Variants in LRRC71 observed in about 807,000 individuals in gnomAD.
The protein encoded by LRRC71 is leucine-rich repeat-containing protein 71.
A neutral mutation model predicts 66.6 loss-of-function variants in LRRC71; 54 were observed. The observed-to-expected ratio is 0.81, with a 90% CI of 0.65 to 1.02. LRRC71 has a LOEUF of 1.02. Among genes scored for constraint, LRRC71 ranks in the 50% least tolerant of loss-of-function variants. The pLI, the probability that LRRC71 is intolerant of heterozygous loss-of-function variation, is 0.00. For missense variants in LRRC71, 724 were observed against 718.0 expected, an observed-to-expected ratio of 1.01 and a Z score of -0.10; for synonymous variants, 323 against 303.9, an observed-to-expected ratio of 1.06 and a Z score of -0.65.
the LRRC71 span, chr1:156,939,532 C>G: frequency 6.2e-7 from 1 of 1,607,724 alleles, no homozygotes; most frequent in Non-Finnish European, 8.5e-7. Context: ...CCACTGGACA[C>G]TCCCATTTAT....
chr1:156,936,497 A>AAAAAAAAAAAAAT (rs370282821), downstream of LRRC71, among the ~76,000 whole-genome samples: 1 of 33,938 alleles, frequency 2.9e-5, no homozygotes, highest in African/African-American at 1.5e-4. Flanking sequence ...AAAAAAAAAA[A>AAAAAAAAAAAAAT]ATATATATAT....
At position 156,924,001 on chromosome 1, in the gene LRRC71, G is replaced by C; in HGVS notation, c.213G>C (p.Thr71=). 1 of 1,546,716 alleles carries C rather than the reference G, an allele frequency of 6.5e-7. No homozygotes were observed. Residue 71 remains threonine, a synonymous_variant, in exon 2 of 15, where the codon ACG becomes ACC. Coordinates refer to ENST00000337428, the MANE Select transcript of LRRC71 (RefSeq NM_144702.3). Reference sequence around the variant, plus strand: ...AGACCGACTTCGCCGAGCTCTGCACGCGGTGGGGCTACACGGACTTCCCCA... The same window carrying C: ...AGACCGACTTCGCCGAGCTCTGCACCCGGTGGGGCTACACGGACTTCCCCA... ...VLETDFAELC[T]RWGYTDFPKV...
chr1:156,930,076 C>CT (rs139472171), intron 11 of LRRC71, among the ~76,000 whole-genome samples: 233 of 42,362 alleles, frequency 5.5e-3, no homozygotes, highest in Middle Eastern at 0.017. Context: ...TTCTTTCTTT[C>CT]TTTTCTTTCT....
Position 156,931,951 on chromosome 1 carries a change from C to T in LRRC71, c.1365C>T (p.Leu455=), listed in dbSNP as rs1654427594. The T allele has an allele frequency of 6.3e-6, 10 of 1,597,956 alleles. No individual in the cohort carries two copies. The highest frequency in any genetic ancestry group is 8.5e-6 in the Non-Finnish European group (10 of 1,172,022). ...AGGCTACTGAGGTGGTCAACCCTCT[C>T]CTGGAGCCTGTGGAGCACCGAGATG... The part of the protein sequence containing the change: ...VVEATEVVNP[L]LEPVEHRDGK... The change falls in exon 13 of 15, where the codon CTC becomes CTT. Residue 455 remains leucine, a synonymous_variant. Transcript: ENST00000337428.
the LRRC71 span, chr1:156,938,403 GGA>G: frequency 6.2e-7 from 1 of 1,611,058 alleles, no homozygotes; most frequent in South Asian, 1.1e-5. Context: ...TTAGCTCCAA[GGA>G]GAAAGTTATT....
chr1:156,923,986 C>G lies in LRRC71; in HGVS notation c.198C>G (p.Phe66Leu). ...GCTCCGGGGTCCTCGAGACCGACTTCGCCGAGCTCTGCACGCGGTGGGGCT... is the reference window on the plus strand; with the variant it reads ...GCTCCGGGGTCCTCGAGACCGACTTGGCCGAGCTCTGCACGCGGTGGGGCT... ...YQCSGVLETD[F>L]AELCTRWGYT... is the part of the protein sequence containing the mutation. The change falls in exon 2 of 15, where the codon TTC (phenylalanine) becomes TTG (leucine). Residue 66 changes from phenylalanine (F) to leucine (L), a missense_variant. Phe to Leu is a conservative substitution (Grantham distance 22). Coordinates refer to ENST00000337428, the MANE Select transcript of LRRC71 (RefSeq NM_144702.3). The G allele has an allele frequency of 6.5e-7, 1 of 1,542,210 alleles. No homozygotes were observed. The highest frequency in any genetic ancestry group is 1.2e-5 in the South Asian group (1 of 82,660).
chr1:156,936,921 T>G, downstream of LRRC71: 5 of 1,614,042 alleles, frequency 3.1e-6, no homozygotes, highest in Non-Finnish European at 4.2e-6. Context: ...GCTGCTTCTG[T>G]GTGGAAACTG....
In LRRC71 at chr1:156,920,802, G is replaced by C; in HGVS notation, c.-2G>C. The C allele has an allele frequency of 6.6e-7, 1 of 1,519,616 alleles. No individual in the cohort carries two copies. The highest frequency in any genetic ancestry group is 2.5e-5 in the East Asian group (1 of 39,768). 94.1% of individuals were successfully genotyped at this position (1,519,616 alleles called of 1,614,324 possible). A position where few individuals can be genotyped will look rare whatever the true frequency, so the allele number is the denominator to read the frequency against. ...CCCAGAGACGCTGCGGACAACACCA[G>C]CATGTCGAGCGAGCAGAGCGCGCCG... On this transcript the variant is annotated 5_prime_UTR_variant, in exon 1 of 15. Transcript: ENST00000337428. This position sits in a 1 kb window ranked among gnomAD's most constrained non-coding sequence, Gnocchi z 4.9.
chr1:156,929,003 C>T (rs756293883), intron 9 of LRRC71, among the ~76,000 whole-genome samples: 1 of 152,152 alleles, frequency 6.6e-6, no homozygotes, highest in African/African-American at 2.4e-5. Flanking sequence ...TGGCACTTAG[C>T]TCAATAAAAG....
Position 156,929,266 on chromosome 1 carries a change from A to T in LRRC71, c.997-14A>T. 6.3e-7 allele frequency: 1 copy of T among 1,591,034 alleles called. No individual in the cohort carries two copies. Among genetic ancestry groups the T allele is most frequent in the Non-Finnish European group, 8.6e-7 (1 of 1,168,476 alleles). On this transcript the variant is annotated splice_polypyrimidine_tract_variant and intron_variant, in intron 9 of 14. Coordinates refer to ENST00000337428, the MANE Select transcript of LRRC71 (RefSeq NM_144702.3). ...CTGGCTTCTTCCCCCCTTCCCTCCCATTTGTGAGCACAGCCCTCCTCCTCT... is the reference window on the plus strand; with the variant it reads ...CTGGCTTCTTCCCCCCTTCCCTCCCTTTTGTGAGCACAGCCCTCCTCCTCT...
chr1:156,923,289 A>G (rs1652674892), intron 1 of LRRC71, among the ~76,000 whole-genome samples: 1 of 152,172 alleles, frequency 6.6e-6, no homozygotes, highest in African/African-American at 2.4e-5. Flanking sequence ...TATGGTGGGG[A>G]GCCAGAAAGA....
intron 11 of LRRC71, among the ~76,000 whole-genome samples, chr1:156,930,093 C>CTTTCTTTCTTTTCTTTCTTTCTT (rs1571069635): frequency 1.7e-5 from 1 of 57,656 alleles, no homozygotes; most frequent in African/African-American, 9.9e-5. Context: ...TTCTTTCTTT[C>CTTTCTTTCTTTTCTTTCTTTCTT]TCTCTCTTTT....
At chr1:156,937,543 C>A, downstream of LRRC71, 1 of 1,495,998 alleles carries the variant, frequency 6.7e-7, no homozygotes, top group South Asian at 1.4e-5. Context: ...ACAGAGAAGT[C>A]GAAGCTATCC....
intron 9 of LRRC71, 49 bp from the exon 10 acceptor site, chr1:156,929,230 AG>A: frequency 6.4e-7 from 1 of 1,554,612 alleles, no homozygotes; most frequent in Non-Finnish European, 8.7e-7. Context: ...GCCCCCATTG[AG>A]GAAGGGGCTC....
At chr1:156,938,335 C>A in the LRRC71 span, 2 of 1,314,592 alleles carry the variant, frequency 1.5e-6, no homozygotes, top group South Asian at 1.3e-5. Context: ...TGTGTGTGAC[C>A]ATGGGCAGGG....
chr1:156,927,128 C>T, intron 5 of LRRC71, 74 bp from the exon 6 acceptor site: 1 of 1,324,076 alleles, frequency 7.6e-7, no homozygotes, highest in Non-Finnish European at 1.1e-6. Context: ...CAGAGACGCA[C>T]ACTTCCTCTC....
chr1:156,939,769 G>A, the LRRC71 span: 51 of 1,613,894 alleles, frequency 3.2e-5, no homozygotes, highest in South Asian at 2.3e-4. Context: ...TTGCCCTGGG[G>A]AGCCTGGGTC....
the LRRC71 span, chr1:156,938,854 C>T: frequency 3.4e-6 from 1 of 297,478 alleles, no homozygotes; most frequent in South Asian, 6.9e-5. Context: ...ATGTGTGCCC[C>T]AGGCTTTGTT....
intron 1 of LRRC71, among the ~76,000 whole-genome samples, chr1:156,923,672 G>C (rs1319599266): frequency 6.6e-6 from 1 of 152,212 alleles, no homozygotes; most frequent in East Asian, 1.9e-4. Context: ...GGAGAGCAGG[G>C]GTGGCAGTCG....
Sources: allele counts gnomAD v4.1 joint callset (sites outside exome capture counted in the v4.1 genomes callset), GRCh38; gene constraint gnomAD v4.1.1; non-coding constraint Gnocchi (gnomAD v3.1); transcripts MANE v1.5; gene names NCBI Gene and HGNC (gene_info 2026-07-23, HGNC 2026-07-21).